Variants in RSPH14 observed in about 807,000 individuals in gnomAD.
RSPH14 encodes the protein rhabdoid tumor deletion region gene 1.
Under a neutral mutation model 26.7 loss-of-function variants are expected in RSPH14, and 20 were observed. That is an observed-to-expected ratio of 0.75 (90% confidence interval 0.53 to 1.09). The LOEUF (loss-of-function observed/expected upper bound fraction) is 1.09. RSPH14 is among the 50% of genes least tolerant of loss of function. RSPH14 has a pLI of 0.00. For missense variants in RSPH14, 449 were observed against 457.2 expected (o/e 0.98, Z 0.16); for synonymous variants, 177 against 189.3 (o/e 0.93, Z 0.53).
Position 23,134,129 on chromosome 22 carries a change from C to T in RSPH14, c.318G>A (p.Glu106=). ...SHSVGRYAFL[E]HDIVLALSFL... is the part of the protein sequence containing the mutation. ...AGGACAGGGCAAGGACGATGTCGTG[C>T]TCTAGAAAGGCGTATCTAGGGAAGG... The change falls in exon 4 of 7, where the codon GAG becomes GAA. Residue 106 remains glutamate (E), a synonymous_variant. Transcript: ENST00000216036. The T allele has an allele frequency of 1.9e-6, 3 of 1,610,250 alleles. No homozygotes were observed. Among genetic ancestry groups the T allele is most frequent in the Non-Finnish European group, 2.5e-6 (3 of 1,177,144 alleles).
At chr22:23,118,625 T>C (rs1456189920) in intron 4 of RSPH14, among the ~76,000 whole-genome samples, 4 of 152,146 alleles carry the variant, frequency 2.6e-5, no homozygotes, top group African/African-American at 9.7e-5. Context: ...GGGCCCCATA[T>C]GTGAAGTGAG....
chr22:23,165,853 G>T, the RSPH14 span, among the ~76,000 whole-genome samples: 1 of 152,086 alleles, frequency 6.6e-6, no homozygotes, highest in Non-Finnish European at 1.5e-5. Context: ...TTTCTAAAAA[G>T]GACTGTTTCC....
At chr22:23,129,845 G>A (rs1009791921) in intron 4 of RSPH14, among the ~76,000 whole-genome samples, 1 of 151,670 alleles carries the variant, frequency 6.6e-6, no homozygotes, top group Non-Finnish European at 1.5e-5. Flanking sequence ...ACTTGAACCT[G>A]GGAGGTGGAG....
chr22:23,177,095 G>A, the RSPH14 span, among the ~76,000 whole-genome samples: 1 of 152,158 alleles, frequency 6.6e-6, no homozygotes, highest in Non-Finnish European at 1.5e-5. Context: ...AGGCCTACAA[G>A]GCCCTGCCTC....
At chr22:23,161,964 G>T in the RSPH14 span, 1 of 183,518 alleles carries the variant, frequency 5.4e-6, no homozygotes, top group African/African-American at 2.4e-5. Flanking sequence ...CTCTTTCCCA[G>T]CGATCTTGGA....
At chr22:23,160,799 T>A in the RSPH14 span, 6 of 1,553,088 alleles carry the variant, frequency 3.9e-6, no homozygotes, top group African/African-American at 5.4e-5. Flanking sequence ...GAGGGTAGGC[T>A]AGCCTGGCTT....
chr22:23,078,083 A>G (rs2068555302), intron 4 of RSPH14, among the ~76,000 whole-genome samples: 1 of 152,196 alleles, frequency 6.6e-6, no homozygotes, highest in Non-Finnish European at 1.5e-5. Context: ...TAGAGTGGCT[A>G]CCAGGACCCC....
At position 23,106,318 on chromosome 22, in the gene RSPH14, T is replaced by C. The variant is rs372757218; in HGVS notation, c.421+27708A>G. Among the ~76,000 whole-genome samples, 18 of 152,360 alleles carry C rather than the reference T, an allele frequency of 1.2e-4. No individual in the cohort carries two copies. The East Asian group carries it at 3.5e-3, about 29-fold the overall frequency. On this transcript the variant is annotated intron_variant, in intron 4 of 6. Transcript: ENST00000216036. ...TGCTGGAGAACAGCAGCCACCCACCTGCAGGGCTGGACAGGGGTGCCAACA... is the reference window on the plus strand; with the variant it reads ...TGCTGGAGAACAGCAGCCACCCACCCGCAGGGCTGGACAGGGGTGCCAACA...
chr22:23,085,490 G>A (rs1034164822), intron 4 of RSPH14, among the ~76,000 whole-genome samples: 8 of 152,230 alleles, frequency 5.3e-5, no homozygotes, highest in African/African-American at 9.6e-5. Context: ...CTGGGCGCAC[G>A]TGCTGGGTGA....
intron 4 of RSPH14, among the ~76,000 whole-genome samples, chr22:23,080,651 C>G (rs542985678): frequency 6.6e-6 from 1 of 152,322 alleles, no homozygotes; most frequent in East Asian, 1.9e-4. Flanking sequence ...GGCCTGGGCC[C>G]TGGTTACTGT....
the RSPH14 span, chr22:23,152,406 TCTGAAGACACC>T: frequency 6.3e-7 from 1 of 1,583,490 alleles, no homozygotes; most frequent in Non-Finnish European, 8.7e-7. Flanking sequence ...GCTGTGAGTG[TCTGAAGACACC>T]CTGGAAGGCA....
At chr22:23,105,596 C>T (rs1416077182) in intron 4 of RSPH14, among the ~76,000 whole-genome samples, 5 of 152,324 alleles carry the variant, frequency 3.3e-5, no homozygotes. Flanking sequence ...GCCTTGGGTT[C>T]CTGGGGATCC....
At chr22:23,167,988 A>G in the RSPH14 span, among the ~76,000 whole-genome samples, 263 of 152,214 alleles carry the variant, frequency 1.7e-3, 2 homozygotes, top group African/African-American at 6.1e-3. Context: ...TTGGGACTAC[A>G]GGAATGAGCC....
intron 4 of RSPH14, among the ~76,000 whole-genome samples, chr22:23,091,313 C>T (rs541152957): frequency 5.3e-5 from 8 of 152,192 alleles, no homozygotes; most frequent in Non-Finnish European, 7.4e-5. Context: ...TATGCATACA[C>T]GCACACATAC....
At chr22:23,063,548 A>G (rs2068135059) in intron 5 of RSPH14, among the ~76,000 whole-genome samples, 1 of 152,148 alleles carries the variant, frequency 6.6e-6, no homozygotes, top group Non-Finnish European at 1.5e-5. Context: ...AGGGTCGCCT[A>G]AATGTGAGGT....
chr22:23,157,888 G>A, the RSPH14 span: 1 of 1,580,702 alleles, frequency 6.3e-7, no homozygotes, highest in Non-Finnish European at 8.6e-7. Flanking sequence ...TGCCTGGTTG[G>A]GGGGCTGCCC....
chr22:23,077,551 C>G (rs1569161161), intron 4 of RSPH14, among the ~76,000 whole-genome samples: 1 of 152,134 alleles, frequency 6.6e-6, no homozygotes, highest in African/African-American at 2.4e-5. Flanking sequence ...GCCACGGAAA[C>G]AAGGTGCTAA....
intron 4 of RSPH14, among the ~76,000 whole-genome samples, chr22:23,116,073 C>T (rs983405724): frequency 2.0e-5 from 3 of 152,274 alleles, no homozygotes; most frequent in South Asian, 2.1e-4. Flanking sequence ...AGGTGCCAGC[C>T]TCTGTCATGT....
intron 4 of RSPH14, among the ~76,000 whole-genome samples, chr22:23,115,109 A>AT (rs1203881327): frequency 6.6e-6 from 1 of 152,150 alleles, no homozygotes; most frequent in Non-Finnish European, 1.5e-5. Flanking sequence ...AGCAAACTGC[A>AT]TGGGGTCCTG....
Sources: allele counts gnomAD v4.1 joint callset (sites outside exome capture counted in the v4.1 genomes callset), GRCh38; gene constraint gnomAD v4.1.1; transcripts MANE v1.5; gene names NCBI Gene and HGNC (gene_info 2026-07-23, HGNC 2026-07-21).